DGKI: variants seen among roughly 807,000 people sequenced by gnomAD.
The protein encoded by DGKI is DAG kinase iota.
A neutral mutation model predicts 147.5 loss-of-function variants in DGKI; 55 were observed. That is an observed-to-expected ratio of 0.37 (90% CI 0.30 to 0.47). DGKI has a LOEUF of 0.47. Among genes scored for constraint, DGKI ranks in the 20% least tolerant of loss-of-function variants. The pLI is 1.00. For synonymous variants in DGKI, 469 were observed against 477.1 expected (o/e 0.98, Z 0.22); for missense variants, 1,007 against 1,323.8 (o/e 0.76, Z 3.71).
chr7:137,754,218 C>T (rs1795610710), intron 1 of DGKI, among the ~76,000 whole-genome samples: 1 of 152,130 alleles, frequency 6.6e-6, no homozygotes, highest in Non-Finnish European at 1.5e-5. Flanking sequence ...GTGGCTGCTT[C>T]ACTCCCACCA....
intron 1 of DGKI, among the ~76,000 whole-genome samples, chr7:137,827,656 C>T (rs905999790): frequency 1.3e-5 from 2 of 152,160 alleles, no homozygotes; most frequent in Non-Finnish European, 2.9e-5. Flanking sequence ...ATGCTATGCC[C>T]GCTGCTTTAC....
At chr7:137,455,432 G>A (rs1814154350) in intron 27 of DGKI, among the ~76,000 whole-genome samples, 1 of 152,154 alleles carries the variant, frequency 6.6e-6, no homozygotes, top group African/African-American at 2.4e-5. Flanking sequence ...TCCAGTGTTA[G>A]ATATTAAGAA....
intron 6 of DGKI, among the ~76,000 whole-genome samples, chr7:137,638,554 GTA>G (rs763319042): frequency 3.9e-4 from 29 of 73,444 alleles, no homozygotes; most frequent in East Asian, 8.3e-4. Flanking sequence ...ATATATGTGT[GTA>G]TATATATACA....
chr7:137,803,768 A>T (rs1379325119), intron 1 of DGKI, among the ~76,000 whole-genome samples: 2 of 152,226 alleles, frequency 1.3e-5, no homozygotes, highest in Admixed American at 1.3e-4. Flanking sequence ...GTAAGTGTGT[A>T]TCAAATATCC....
At chr7:137,820,173 A>C (rs967522957) in intron 1 of DGKI, among the ~76,000 whole-genome samples, 1 of 152,186 alleles carries the variant, frequency 6.6e-6, no homozygotes, top group African/African-American at 2.4e-5. Flanking sequence ...GTTAGAAAAA[A>C]TGAGATACAG....
chr7:137,575,447 G>A (rs879093268), intron 17 of DGKI, among the ~76,000 whole-genome samples: 1 of 152,174 alleles, frequency 6.6e-6, no homozygotes, highest in Admixed American at 6.5e-5. Flanking sequence ...TACAGAGTTT[G>A]ATATCAATCC....
At chr7:137,493,659 A>T (rs1815853997) in intron 21 of DGKI, 1 of 681,110 alleles carries the variant, frequency 1.5e-6, no homozygotes, top group South Asian at 1.6e-5. Flanking sequence ...ATGAAAGCAA[A>T]CAAAAACCAA....
intron 28 of DGKI, among the ~76,000 whole-genome samples, chr7:137,413,991 C>T (rs1812262143): frequency 1.3e-5 from 2 of 152,118 alleles, no homozygotes; most frequent in African/African-American, 4.8e-5. Flanking sequence ...TTTAAAGTCA[C>T]AAAGTTTTAG....
chr7:137,760,444 C>T (rs1263896668), intron 1 of DGKI, among the ~76,000 whole-genome samples: 3 of 152,176 alleles, frequency 2.0e-5, no homozygotes, highest in Admixed American at 2.0e-4. Flanking sequence ...TTCCCTCCCG[C>T]CCCATCTTCG....
chr7:137,757,956 C>T (rs1480525741), intron 1 of DGKI, among the ~76,000 whole-genome samples: 1 of 152,218 alleles, frequency 6.6e-6, no homozygotes, highest in Non-Finnish European at 1.5e-5. Context: ...CCCCTCTGCA[C>T]CCTGGGGAAA....
At chr7:137,808,815 T>C (rs1315627919) in intron 1 of DGKI, among the ~76,000 whole-genome samples, 1 of 152,180 alleles carries the variant, frequency 6.6e-6, no homozygotes, top group African/African-American at 2.4e-5. Context: ...TCAAAGATCA[T>C]GGTGAGACTA....
intron 21 of DGKI, among the ~76,000 whole-genome samples, chr7:137,495,502 C>CAAAAAAA (rs34551145): frequency 3.5e-5 from 2 of 57,392 alleles, no homozygotes; most frequent in Non-Finnish European, 3.4e-5. Context: ...CTGGCAGAGA[C>CAAAAAAA]AAAAAAAAAA....
At chr7:137,583,775 T>G (rs1263329434) in intron 14 of DGKI, among the ~76,000 whole-genome samples, 1 of 152,136 alleles carries the variant, frequency 6.6e-6, no homozygotes, top group Non-Finnish European at 1.5e-5. Context: ...ATACTTTAGC[T>G]GTTTTCTATC....
At chr7:137,494,502 A>G (rs1029522153) in intron 21 of DGKI, among the ~76,000 whole-genome samples, 18 of 152,224 alleles carry the variant, frequency 1.2e-4, no homozygotes, top group Non-Finnish European at 2.5e-4. Flanking sequence ...GACAGAAGAG[A>G]TTAGGGGCCT....
chr7:137,722,470 G>A (rs146714860), intron 1 of DGKI: 1 of 1,610,754 alleles, frequency 6.2e-7, no homozygotes, highest in Non-Finnish European at 8.5e-7. Flanking sequence ...GGGCAAGAGG[G>A]TGGTTTTCCT....
At chr7:137,832,228 G>A (rs1156454874) in intron 1 of DGKI, among the ~76,000 whole-genome samples, 7 of 152,180 alleles carry the variant, frequency 4.6e-5, no homozygotes, top group Admixed American at 3.3e-4. Flanking sequence ...TTCAATAGGT[G>A]GTGCCCCAGG....
intron 2 of DGKI, 92 bp from the exon 3 acceptor site, chr7:137,678,744 G>A: frequency 9.0e-7 from 1 of 1,116,702 alleles, no homozygotes; most frequent in Non-Finnish European, 1.4e-6. Context: ...AAGAAAGTTA[G>A]TGAAACCAAG....
chr7:137,577,135 A>G, intron 17 of DGKI, 87 bp downstream of exon 17: 1 of 891,730 alleles, frequency 1.1e-6, no homozygotes, highest in Non-Finnish European at 1.8e-6. Flanking sequence ...CAGTCCAGTG[A>G]TTCAATATAT....
At chr7:137,754,124 G>A (rs1158450450) in intron 1 of DGKI, among the ~76,000 whole-genome samples, 1 of 152,066 alleles carries the variant, frequency 6.6e-6, no homozygotes, top group Non-Finnish European at 1.5e-5. Context: ...GTGGGCCAGG[G>A]GCAGGTGCAC....
Sources: allele counts gnomAD v4.1 joint callset (sites outside exome capture counted in the v4.1 genomes callset), GRCh38; gene constraint gnomAD v4.1.1; transcripts MANE v1.5; gene names NCBI Gene and HGNC (gene_info 2026-07-23, HGNC 2026-07-21).